LINGO2: variants seen among roughly 807,000 people sequenced by gnomAD.
LINGO2 encodes leucine rich repeat and Ig domain containing 2, also known as leucine-rich repeat and immunoglobulin-like domain-containing nogo receptor-interacting protein 2.
A neutral mutation model predicts 30.6 loss-of-function variants in LINGO2; 14 were observed. The ratio of observed to expected loss-of-function variants is 0.46; its 90% CI spans 0.30 to 0.72. LINGO2 has a LOEUF of 0.72. LINGO2 is among the 30% of genes least tolerant of loss of function. LINGO2 has a pLI of 0.07. For missense variants in LINGO2, 729 were observed against 751.7 expected, an observed-to-expected ratio of 0.97 and a Z score of 0.35; for synonymous variants, 317 against 288.5, an observed-to-expected ratio of 1.10 and a Z score of -1.00.
chr9:28,224,961 C>A (rs182786165), intron 4 of LINGO2, among the ~76,000 whole-genome samples: 7 of 152,188 alleles, frequency 4.6e-5, no homozygotes, highest in Admixed American at 4.6e-4. Flanking sequence ...AGAAATAAAA[C>A]CACACATTTG....
At chr9:28,245,043 G>A (rs10968415) in intron 4 of LINGO2, among the ~76,000 whole-genome samples, 32,150 of 152,070 alleles carry the variant, frequency 0.21, 3,738 homozygotes, top group East Asian at 0.27. Context: ...CACCATAGAT[G>A]TAAAAATCCT....
rs562555807 is a variant in LINGO2, at chr9:28,626,782, T to TA, written c.-365+43417dup. 1.7e-3 allele frequency among the ~76,000 whole-genome samples: 253 copies of TA among 152,082 alleles called. 4 individuals carry two copies. The highest frequency in any genetic ancestry group is 3.2e-3 in the Non-Finnish European group (218 of 67,928). On this transcript the variant is annotated intron_variant, in intron 1 of 5. Coordinates refer to ENST00000379992, the Ensembl canonical transcript of LINGO2. The stretch of plus-strand genomic sequence containing the variant: ...TTTTTCTACATTGTTTTCTCTGATC[T>TA]ATATCCCACCTAGTAAATGTTTTTT...
chr9:29,069,873 T>C, the LINGO2 span, among the ~76,000 whole-genome samples: 1 of 152,028 alleles, frequency 6.6e-6, no homozygotes, highest in African/African-American at 2.4e-5. Context: ...TCAATGAACA[T>C]CAAAATACTC....
chr9:27,948,979 C>A, exon 6 of LINGO2: 1 of 1,613,562 alleles, frequency 6.2e-7, no homozygotes, highest in South Asian at 1.1e-5. Context: ...CGGCTCCACA[C>A]AAAAAGGAGA....
chr9:28,576,372 A>T (rs940874205), intron 1 of LINGO2, among the ~76,000 whole-genome samples: 1 of 152,210 alleles, frequency 6.6e-6, no homozygotes, highest in Admixed American at 6.5e-5. Context: ...AACTAAAAAA[A>T]TCACAAATAG....
chr9:28,535,852 T>C (rs909771393), intron 1 of LINGO2, among the ~76,000 whole-genome samples: 1 of 152,132 alleles, frequency 6.6e-6, no homozygotes, highest in Non-Finnish European at 1.5e-5. Flanking sequence ...GATATCATAA[T>C]AATCTTGACG....
intron 1 of LINGO2, among the ~76,000 whole-genome samples, chr9:28,636,559 T>C (rs1181679570): frequency 2.6e-5 from 4 of 152,328 alleles, no homozygotes; most frequent in Admixed American, 2.6e-4. Flanking sequence ...TTGATTTGCA[T>C]TTCTCTGATG....
At position 28,506,511 on chromosome 9, in the gene LINGO2, T is replaced by TAG. The variant is rs1564250867; in HGVS notation, c.-364-30487_-364-30486insCT. 2.9e-4 allele frequency among the ~76,000 whole-genome samples: 14 copies of TAG among 49,116 alleles called. 1 individual carries two copies. The highest frequency in any genetic ancestry group is 4.5e-4 in the Non-Finnish European group (9 of 20,162). The allele number at this position is 49,116 out of a possible 152,430, so 32.2% of individuals were successfully genotyped here. ...ATACACACACACACACAGACATATA[T>TAG]ATATATATATAAACTGTTGGGGACT... On this transcript the variant is annotated intron_variant, in intron 1 of 5. Transcript: ENST00000379992.
intron 4 of LINGO2, among the ~76,000 whole-genome samples, chr9:28,066,703 C>A (rs1825323912): frequency 1.3e-5 from 2 of 152,064 alleles, no homozygotes; most frequent in Non-Finnish European, 2.9e-5. Context: ...ACTGACTTAA[C>A]AAGATCTTTA....
intron 4 of LINGO2, among the ~76,000 whole-genome samples, chr9:28,156,850 C>A (rs1388171419): frequency 1.3e-5 from 2 of 152,244 alleles, no homozygotes; most frequent in Admixed American, 1.3e-4. Context: ...AAATGATCTC[C>A]TTTGACTCCA....
At chr9:28,397,661 C>T (rs1347781022) in intron 2 of LINGO2, among the ~76,000 whole-genome samples, 1 of 150,994 alleles carries the variant, frequency 6.6e-6, no homozygotes, top group Admixed American at 6.6e-5. Context: ...CATTCTCCTG[C>T]CTCAGCCTCC....
At chr9:28,421,249 A>G (rs181003256) in intron 2 of LINGO2, among the ~76,000 whole-genome samples, 246 of 152,082 alleles carry the variant, frequency 1.6e-3, no homozygotes, top group African/African-American at 5.7e-3. Context: ...ACTTGTAACT[A>G]AAAACTACAA....
At chr9:28,843,006 A>AT in the LINGO2 span, among the ~76,000 whole-genome samples, 5 of 151,800 alleles carry the variant, frequency 3.3e-5, no homozygotes, top group African/African-American at 4.9e-5. Context: ...ACAATGGGTG[A>AT]TTTTTTTAAA....
At chr9:29,154,197 C>T in the LINGO2 span, among the ~76,000 whole-genome samples, 1 of 152,094 alleles carries the variant, frequency 6.6e-6, no homozygotes, top group Non-Finnish European at 1.5e-5. Context: ...GTAATCCCAG[C>T]ATTTTGGAGA....
chr9:29,128,733 C>T, the LINGO2 span, among the ~76,000 whole-genome samples: 2 of 152,094 alleles, frequency 1.3e-5, no homozygotes, highest in Admixed American at 1.3e-4. Flanking sequence ...GTGAGTTTGT[C>T]TTGCTATCTC....
the LINGO2 span, among the ~76,000 whole-genome samples, chr9:28,730,916 C>A: frequency 6.6e-6 from 1 of 152,028 alleles, no homozygotes; most frequent in Non-Finnish European, 1.5e-5. Flanking sequence ...GGTACAACAG[C>A]TCTGGAAAGC....
At chr9:27,963,273 G>A (rs1819935651) in intron 5 of LINGO2, among the ~76,000 whole-genome samples, 1 of 152,110 alleles carries the variant, frequency 6.6e-6, no homozygotes, top group Admixed American at 6.6e-5. Context: ...TTCGTTTGTT[G>A]AATCAGTATT....
intron 4 of LINGO2, among the ~76,000 whole-genome samples, chr9:28,090,190 G>A (rs975686782): frequency 1.3e-5 from 2 of 152,074 alleles, no homozygotes; most frequent in African/African-American, 4.8e-5. Context: ...AGAAAAAGAG[G>A]GAGTCCTCCC....
chr9:28,526,013 G>A (rs567129613), intron 1 of LINGO2, among the ~76,000 whole-genome samples: 16 of 120,958 alleles, frequency 1.3e-4, no homozygotes, highest in South Asian at 2.8e-4. Context: ...CCGAGATTGC[G>A]CCACTGCACT....
Sources: gnomAD v4.1 joint callset for allele counts (sites outside exome capture counted in the v4.1 genomes callset) on GRCh38, gnomAD v4.1.1 for gene constraint, MANE v1.5 for transcripts, NCBI Gene and HGNC (gene_info 2026-07-23, HGNC 2026-07-21) for gene names.